Variants in STAC observed in about 807,000 individuals in gnomAD.
STAC encodes the protein SH3 and cysteine-rich domain-containing protein.
STAC carries 43 observed loss-of-function variants against 48.8 expected under a neutral mutation model. The observed-to-expected ratio is 0.88, with a 90% CI of 0.69 to 1.14. STAC has a LOEUF of 1.14. Ranked by LOEUF, STAC falls within the 50% of genes most tolerant of loss-of-function variation. The pLI is 0.00. For synonymous variants in STAC, 193 were observed against 179.5 expected (o/e 1.07, Z -0.60); for missense variants, 497 against 504.0 (o/e 0.99, Z 0.13).
intron 10 of STAC, 69 bp downstream of exon 10, chr3:36,529,054 T>C: frequency 1.4e-6 from 2 of 1,447,382 alleles, no homozygotes; most frequent in Non-Finnish European, 1.9e-6. Flanking sequence ...AACTTAATAA[T>C]ATGTATAAAT....
chr3:36,428,862 C>G (rs1282910355), intron 1 of STAC, among the ~76,000 whole-genome samples: 1 of 152,108 alleles, frequency 6.6e-6, no homozygotes, highest in Non-Finnish European at 1.5e-5. Flanking sequence ...AGGTTTTGAG[C>G]AGAGTAGTAA....
chr3:36,447,308 T>G (rs934535891), intron 2 of STAC, among the ~76,000 whole-genome samples: 1 of 152,006 alleles, frequency 6.6e-6, no homozygotes, highest in African/African-American at 2.4e-5. Context: ...CTGCCAACAC[T>G]CACAGCACTA....
intron 1 of STAC, among the ~76,000 whole-genome samples, chr3:36,394,017 C>T (rs987839292): frequency 6.6e-6 from 1 of 151,964 alleles, no homozygotes; most frequent in Admixed American, 6.6e-5. Flanking sequence ...AGAGGTGGAA[C>T]AGGCTTGCAT....
chr3:36,505,710 T>A (rs761118870), intron 7 of STAC, 36 bp from the exon 8 acceptor site: 10 of 1,405,762 alleles, frequency 7.1e-6, no homozygotes, highest in Non-Finnish European at 9.9e-6. Context: ...TTATTTCACC[T>A]TTCTTTTCTC....
chr3:36,461,717 C>T (rs1026103579), intron 2 of STAC, among the ~76,000 whole-genome samples: 1 of 152,092 alleles, frequency 6.6e-6, no homozygotes, highest in African/African-American at 2.4e-5. Flanking sequence ...AATGAAGGAA[C>T]TCCTGGGAAG....
intron 8 of STAC, among the ~76,000 whole-genome samples, chr3:36,517,976 T>G (rs1267122828): frequency 1.3e-5 from 2 of 152,096 alleles, no homozygotes; most frequent in African/African-American, 4.8e-5. Flanking sequence ...TAACCCACAC[T>G]TAGTTTTGAT....
At chr3:36,511,899 G>A (rs570265478) in intron 8 of STAC, among the ~76,000 whole-genome samples, 9 of 152,234 alleles carry the variant, frequency 5.9e-5, no homozygotes, top group Middle Eastern at 3.4e-3. Context: ...TATCAGGATC[G>A]GTTCCAGCAG....
chr3:36,490,042 T>C (rs886618376), intron 5 of STAC, among the ~76,000 whole-genome samples: 2 of 152,206 alleles, frequency 1.3e-5, no homozygotes, highest in African/African-American at 4.8e-5. Flanking sequence ...CTGATGCACA[T>C]TAAAGTTGGA....
At chr3:36,533,145 G>A (rs894903282) in intron 10 of STAC, among the ~76,000 whole-genome samples, 1 of 152,182 alleles carries the variant, frequency 6.6e-6, no homozygotes, top group African/African-American at 2.4e-5. Context: ...GGTTCCCAAG[G>A]ATGAAGAGTG....
At chr3:36,420,343 C>G (rs1234368708) in intron 1 of STAC, among the ~76,000 whole-genome samples, 1 of 152,156 alleles carries the variant, frequency 6.6e-6, no homozygotes, top group African/African-American at 2.4e-5. Flanking sequence ...TTCACATAAC[C>G]TGACTTCCTT....
At chr3:36,544,369 G>A (rs903973739) in intron 10 of STAC, among the ~76,000 whole-genome samples, 95 of 152,076 alleles carry the variant, frequency 6.2e-4, no homozygotes, top group African/African-American at 2.2e-3. Flanking sequence ...GGGGTTTCAC[G>A]ACATTGGCCC....
chr3:36,546,607 G>A lies in STAC; in HGVS notation c.*318G>A, dbSNP rs966364803. ...CCCACTCCTTTCCTGTCTGTGTGGT[G>A]TAAGTTAACACACTGGAGTGTGCTC... On this transcript the variant is annotated 3_prime_UTR_variant, in exon 11 of 11. Transcript: ENST00000273183. 21 of 413,266 alleles carry A rather than the reference G, an allele frequency of 5.1e-5. No individual in the cohort carries two copies. Among genetic ancestry groups the A allele is most frequent in the Non-Finnish European group, 8.4e-5 (19 of 225,436 alleles). The allele number at this position is 413,266 out of a possible 1,614,324, so 25.6% of individuals were successfully genotyped here.
intron 1 of STAC, among the ~76,000 whole-genome samples, chr3:36,410,932 A>G (rs73830314): frequency 6.6e-6 from 1 of 152,120 alleles, no homozygotes; most frequent in Non-Finnish European, 1.5e-5. Context: ...CTCTCTTTAT[A>G]CCAGATCTTC....
intron 6 of STAC, among the ~76,000 whole-genome samples, chr3:36,498,804 A>T (rs1698215107): frequency 6.6e-6 from 1 of 152,174 alleles, no homozygotes; most frequent in South Asian, 2.1e-4. Context: ...ATGTAAGAAC[A>T]TACTTGTGGA....
At chr3:36,425,560 G>T (rs73061988) in intron 1 of STAC, among the ~76,000 whole-genome samples, 2,754 of 152,260 alleles carry the variant, frequency 0.018, 51 homozygotes, top group Non-Finnish European at 0.025. Context: ...ATTCTACTAA[G>T]ATCTGTAAAT....
intron 1 of STAC, among the ~76,000 whole-genome samples, chr3:36,398,729 G>C (rs181855966): frequency 6.6e-6 from 1 of 151,588 alleles, no homozygotes; most frequent in African/African-American, 2.4e-5. Context: ...AAAGAAAAGA[G>C]AGAAGGAAGG....
intron 2 of STAC, among the ~76,000 whole-genome samples, chr3:36,468,727 GTATATATA>G (rs1192041952): frequency 2.1e-5 from 3 of 145,130 alleles, no homozygotes; most frequent in African/African-American, 7.6e-5. Flanking sequence ...ACATATATAT[GTATATATA>G]TATAAAATAC....
chr3:36,413,151 G>A (rs1340733263), intron 1 of STAC, among the ~76,000 whole-genome samples: 1 of 152,202 alleles, frequency 6.6e-6, no homozygotes, highest in African/African-American at 2.4e-5. Context: ...TGTATATTCT[G>A]TTGATTTGGG....
chr3:36,478,089 G>C (rs1336190994), intron 2 of STAC, among the ~76,000 whole-genome samples: 1 of 152,182 alleles, frequency 6.6e-6, no homozygotes, highest in Admixed American at 6.5e-5. Context: ...CCTAAATGCT[G>C]TGCTTCTGCT....
Sources: allele counts gnomAD v4.1 joint callset (sites outside exome capture counted in the v4.1 genomes callset), GRCh38; gene constraint gnomAD v4.1.1; transcripts MANE v1.5; gene names NCBI Gene and HGNC (gene_info 2026-07-23, HGNC 2026-07-21).